TASP1: variants seen among roughly 807,000 people sequenced by gnomAD.
TASP1 encodes the protein taspase 1.
A neutral mutation model predicts 56.6 loss-of-function variants in TASP1; 16 were observed. That is an observed-to-expected ratio of 0.28 (90% CI 0.19 to 0.43). TASP1 has a LOEUF of 0.43. Ranked by LOEUF, TASP1 falls within the 20% of genes least tolerant of loss-of-function variation. The probability of loss-of-function intolerance (pLI) is 1.00; values close to 1 mark genes in which losing one functional copy is unlikely to be tolerated. For synonymous variants in TASP1, 179 were observed against 184.2 expected, an observed-to-expected ratio of 0.97 and a Z score of 0.23; for missense variants, 393 against 511.6, an observed-to-expected ratio of 0.77 and a Z score of 2.24.
intron 12 of TASP1, among the ~76,000 whole-genome samples, chr20:13,427,438 T>C (rs2042655223): frequency 6.6e-6 from 1 of 152,196 alleles, no homozygotes; most frequent in African/African-American, 2.4e-5. Flanking sequence ...ATGTCTACAA[T>C]GATAAAATAA....
At chr20:13,533,902 A>T (rs2045318781) in intron 9 of TASP1, 120 bp downstream of exon 9, 1 of 1,214,308 alleles carries the variant, frequency 8.2e-7, no homozygotes, top group East Asian at 2.4e-5. Context: ...ACTACATGTT[A>T]AAAAACAATG....
At chr20:13,145,573 T>A in the TASP1 span, among the ~76,000 whole-genome samples, 1 of 152,286 alleles carries the variant, frequency 6.6e-6, no homozygotes, top group Admixed American at 6.5e-5. Context: ...CAAAGCAATT[T>A]ACAGATTCAG....
Position 13,435,067 on chromosome 20 carries a change from G to A in TASP1, c.1073C>T (p.Ser358Phe). 2.5e-6 allele frequency: 4 copies of A among 1,611,090 alleles called. No individual in the cohort carries two copies. The highest frequency in any genetic ancestry group is 3.4e-6 in the Non-Finnish European group (4 of 1,178,570). The change falls in exon 12 of 14, where the codon TCC becomes TTC. Residue 358 changes from serine (S) to phenylalanine (F), a missense_variant. This residue lies in a region of TASP1 where 293 missense variants were observed against 354.2 expected (regional missense o/e 0.83). Coordinates refer to ENST00000337743, the MANE Select transcript of TASP1 (RefSeq NM_017714.3). Reference protein sequence around the residue: ...SCRCSAEPDSSQNKQTLLVEF... With the variant: ...SCRCSAEPDSFQNKQTLLVEF... Reference sequence around the variant, plus strand: ...ACCTAGAAGTGTCTGCTTATTTTGGGAGGAGTCAGGCTCGGCAGAACATCT... The same window carrying A: ...ACCTAGAAGTGTCTGCTTATTTTGGAAGGAGTCAGGCTCGGCAGAACATCT...
At chr20:13,616,262 A>G (rs1204042515) in intron 4 of TASP1, among the ~76,000 whole-genome samples, 2 of 152,130 alleles carry the variant, frequency 1.3e-5, no homozygotes, top group African/African-American at 2.4e-5. Context: ...CACTAACTAC[A>G]CCACGCTACC....
the TASP1 span, chr20:13,279,882 A>G: frequency 6.2e-7 from 1 of 1,613,814 alleles, no homozygotes; most frequent in African/African-American, 1.3e-5. Flanking sequence ...TTGAAACCAA[A>G]GATCAGCCAG....
intron 8 of TASP1, among the ~76,000 whole-genome samples, chr20:13,557,572 G>GTTTTT (rs972801507): frequency 1.0e-4 from 10 of 99,738 alleles, no homozygotes; most frequent in African/African-American, 1.6e-4. Context: ...GATGTTTTTG[G>GTTTTT]TTTTTTTTTT....
intron 12 of TASP1, among the ~76,000 whole-genome samples, chr20:13,422,307 T>A (rs1396554773): frequency 6.6e-6 from 1 of 152,230 alleles, no homozygotes; most frequent in Admixed American, 6.5e-5. Context: ...GTTTTCCTGA[T>A]GCTGGGTAAC....
chr20:13,286,729 T>A, the TASP1 span, among the ~76,000 whole-genome samples: 1 of 152,176 alleles, frequency 6.6e-6, no homozygotes. Context: ...GCCTGAGGCA[T>A]GTTCAGAGTG....
chr20:13,417,562 A>T (rs2042299487), intron 12 of TASP1, 41 bp from the exon 13 acceptor site: 3 of 1,605,456 alleles, frequency 1.9e-6, no homozygotes, highest in Non-Finnish European at 1.7e-6. Context: ...TTCAGATCAC[A>T]GATGGAAAAT....
At chr20:13,512,323 T>C (rs61415278) in intron 10 of TASP1, among the ~76,000 whole-genome samples, 28,409 of 149,666 alleles carry the variant, frequency 0.19, 2,535 homozygotes, top group Middle Eastern at 0.27. Context: ...TGGTATCTCA[T>C]TGTGGTTTTG....
intron 9 of TASP1, among the ~76,000 whole-genome samples, chr20:13,533,486 T>A (rs1450976857): frequency 6.6e-6 from 1 of 152,138 alleles, no homozygotes; most frequent in Non-Finnish European, 1.5e-5. Context: ...AATTAGACCA[T>A]CTCCATTTCT....
chr20:13,161,163 G>A, the TASP1 span, among the ~76,000 whole-genome samples: 3 of 152,198 alleles, frequency 2.0e-5, no homozygotes, highest in Admixed American at 1.3e-4. Flanking sequence ...GATTGGATGT[G>A]GTGCATATGT....
chr20:13,205,554 A>AC, the TASP1 span, among the ~76,000 whole-genome samples: 1 of 150,088 alleles, frequency 6.7e-6, no homozygotes, highest in Non-Finnish European at 1.5e-5. Context: ...AAACTTGCAA[A>AC]CAGTCATCTC....
chr20:13,609,045 C>T lies in TASP1; in HGVS notation c.282+14401G>A, dbSNP rs114037665. ...ATAATTTCAGACTTATAGAAAAGTA[C>T]GATAGTCTAGTATCTAGACTATATA... On this transcript the variant is annotated intron_variant, in intron 4 of 13. Coordinates refer to ENST00000337743, the MANE Select transcript of TASP1 (RefSeq NM_017714.3). 3.6e-3 allele frequency among the ~76,000 whole-genome samples: 554 copies of T among 152,084 alleles called. 3 individuals carry two copies. Among genetic ancestry groups the T allele is most frequent in the African/African-American group, 0.012 (511 of 41,492 alleles).
the TASP1 span, among the ~76,000 whole-genome samples, chr20:13,247,330 C>G: frequency 1.3e-5 from 2 of 150,924 alleles, no homozygotes; most frequent in Non-Finnish European, 2.9e-5. Flanking sequence ...ACCAAAAACA[C>G]AGCATCAGGA....
intron 7 of TASP1, among the ~76,000 whole-genome samples, chr20:13,562,874 C>CA (rs766496099): frequency 0.015 from 1,308 of 88,308 alleles, 15 homozygotes; most frequent in Middle Eastern, 0.028. Context: ...GACCTTGTCT[C>CA]AAAAAAAAAA....
At chr20:13,462,650 C>T (rs2044097577) in intron 11 of TASP1, among the ~76,000 whole-genome samples, 1 of 152,088 alleles carries the variant, frequency 6.6e-6, no homozygotes, top group African/African-American at 2.4e-5. Flanking sequence ...TGAATTTCTA[C>T]ATACTAACAG....
At chr20:13,545,713 A>T (rs1601194591) in intron 8 of TASP1, among the ~76,000 whole-genome samples, 1 of 151,676 alleles carries the variant, frequency 6.6e-6, no homozygotes, top group Admixed American at 6.6e-5. Context: ...CTACTTGTCT[A>T]CCTCTCTAGA....
At chr20:13,193,551 T>C in the TASP1 span, among the ~76,000 whole-genome samples, 1 of 152,212 alleles carries the variant, frequency 6.6e-6, no homozygotes, top group Non-Finnish European at 1.5e-5. Flanking sequence ...TAGTTGCATA[T>C]ACTAGTTAGA....
Sources: gnomAD v4.1 joint callset for allele counts (sites outside exome capture counted in the v4.1 genomes callset) on GRCh38, gnomAD v4.1.1 for gene constraint, gnomAD v4.1.1 regional missense constraint, MANE v1.5 for transcripts, NCBI Gene and HGNC (gene_info 2026-07-23, HGNC 2026-07-21) for gene names.